The following LRP1B variants were observed in gnomAD, a reference collection of about 807,000 sequenced individuals.
LRP1B encodes low-density lipoprotein receptor-related protein 1B.
In LRP1B, 217 loss-of-function variants were observed where a neutral mutation model predicts 556.6. The ratio of observed to expected loss-of-function variants is 0.39; its 90% CI spans 0.35 to 0.44. The LOEUF (loss-of-function observed/expected upper bound fraction) is 0.44, where lower values mean the gene tolerates loss of function less well. Ranked by LOEUF, LRP1B falls within the 20% of genes least tolerant of loss-of-function variation. The pLI is 1.00. For synonymous variants in LRP1B, 2,047 were observed against 1,865.8 expected (o/e 1.10, Z -2.50); for missense variants, 5,053 against 5,620.8 (o/e 0.90, Z 3.23).
chr2:140,848,109 G>A (rs1477934998), intron 29 of LRP1B, among the ~76,000 whole-genome samples: 3 of 151,950 alleles, frequency 2.0e-5, no homozygotes, highest in Non-Finnish European at 1.5e-5. Flanking sequence ...ACATTTTTCT[G>A]TCAGACTTTG....
At chr2:141,849,739 G>A (rs1452654182) in intron 1 of LRP1B, among the ~76,000 whole-genome samples, 2 of 151,386 alleles carry the variant, frequency 1.3e-5, no homozygotes, top group African/African-American at 4.8e-5. Flanking sequence ...AATACATACC[G>A]TAAAATTTCT....
At position 140,350,952 on chromosome 2, in the gene LRP1B, G is replaced by T. The variant is rs2105116358; in HGVS notation, c.11737C>A (p.Gln3913Lys). Reference sequence around the variant, plus strand: ...GAATTATGTTCAATATGAGAAATTTGTTGATGATCGCCACTGTAGTTGAAT... The same window carrying T: ...GAATTATGTTCAATATGAGAAATTTTTTGATGATCGCCACTGTAGTTGAAT... ...YPFNYSGDHQ[Q>K]ISHIEHNSRI... Residue 3913 changes from glutamine to lysine, a missense_variant, in exon 77 of 91, where the codon CAA becomes AAA. Around this residue, in one of 5 missense-constraint regions of LRP1B, gnomAD observed 599 missense variants for 648.4 expected, o/e 0.92. Transcript: ENST00000389484. 6.2e-7 allele frequency: 1 copy of T among 1,610,102 alleles called. No individual in the cohort carries two copies. Among genetic ancestry groups the T allele is most frequent in the South Asian group, 1.1e-5 (1 of 90,886 alleles).
chr2:140,935,571 A>C (rs1386405216), intron 20 of LRP1B, among the ~76,000 whole-genome samples: 2 of 152,088 alleles, frequency 1.3e-5, no homozygotes, highest in African/African-American at 4.8e-5. Context: ...GCAATATATA[A>C]ATTTTCCAGA....
intron 3 of LRP1B, among the ~76,000 whole-genome samples, chr2:141,421,813 T>TGGTA (rs1458051474): frequency 2.0e-5 from 3 of 152,170 alleles, no homozygotes; most frequent in Admixed American, 6.5e-5. Flanking sequence ...TCTTTCTCTA[T>TGGTA]CTCTGAACGT....
intron 2 of LRP1B, among the ~76,000 whole-genome samples, chr2:141,576,191 A>AG (rs1686736013): frequency 8.3e-6 from 1 of 120,840 alleles, no homozygotes; most frequent in Non-Finnish European, 1.8e-5. Context: ...CAAATACCTA[A>AG]TGATAGACTG....
At chr2:141,471,250 T>C (rs530919372) in intron 3 of LRP1B, among the ~76,000 whole-genome samples, 32 of 145,806 alleles carry the variant, frequency 2.2e-4, no homozygotes, top group African/African-American at 6.5e-4. Context: ...TAAAATACTA[T>C]TGAGAATATA....
intron 50 of LRP1B, among the ~76,000 whole-genome samples, chr2:140,515,956 C>T (rs758743787): frequency 6.6e-6 from 1 of 151,952 alleles, no homozygotes; most frequent in Non-Finnish European, 1.5e-5. Context: ...TGAATATATA[C>T]CTTGTTTTCC....
chr2:141,177,984 G>A (rs1002341409), intron 7 of LRP1B, among the ~76,000 whole-genome samples: 1 of 152,072 alleles, frequency 6.6e-6, no homozygotes, highest in Non-Finnish European at 1.5e-5. Context: ...GAAACAAATT[G>A]AGCTTGATCA....
intron 84 of LRP1B, among the ~76,000 whole-genome samples, chr2:140,280,970 T>C: frequency 6.6e-6 from 1 of 151,782 alleles, no homozygotes; most frequent in East Asian, 1.9e-4. Flanking sequence ...AATAATGTAA[T>C]CTAAAGGACA....
At chr2:141,182,229 G>A (rs1351114989) in intron 7 of LRP1B, among the ~76,000 whole-genome samples, 3 of 151,982 alleles carry the variant, frequency 2.0e-5, no homozygotes, top group African/African-American at 7.2e-5. Flanking sequence ...ATATTTAATA[G>A]GCTCTAGACA....
intron 1 of LRP1B, among the ~76,000 whole-genome samples, chr2:142,129,525 C>T (rs1657208244): frequency 6.6e-6 from 1 of 151,982 alleles, no homozygotes. Context: ...ATAACTAAAT[C>T]TCCCAATGCA....
Position 141,091,442 on chromosome 2 carries a change from G to A in LRP1B, c.1014-29169C>T, listed in dbSNP as rs183769310. Among the ~76,000 whole-genome samples the A allele has an allele frequency of 2.0e-5, 3 of 152,272 alleles. No homozygotes were observed. In the East Asian group the frequency reaches 5.8e-4, roughly 29 times the overall value. On this transcript the variant is annotated intron_variant, in intron 7 of 90. Transcript: ENST00000389484. ...CAACAACAAAAAACATTGCTTCCCG[G>A]CTGGGGCCACTGACTGTGTGGAGTT... is the stretch of plus-strand genomic sequence containing the variant.
intron 1 of LRP1B, among the ~76,000 whole-genome samples, chr2:141,824,189 A>G (rs1173110670): frequency 6.6e-6 from 1 of 152,286 alleles, no homozygotes; most frequent in East Asian, 1.9e-4. Context: ...AATGTTCATT[A>G]TGTGCCACAT....
At chr2:140,991,506 G>T (rs569319832) in intron 16 of LRP1B, among the ~76,000 whole-genome samples, 1 of 152,208 alleles carries the variant, frequency 6.6e-6, no homozygotes, top group South Asian at 2.1e-4. Flanking sequence ...GTGTGTAACT[G>T]CTTATTGCCT....
intron 20 of LRP1B, among the ~76,000 whole-genome samples, chr2:140,944,134 A>G (rs1176475510): frequency 6.6e-6 from 1 of 152,138 alleles, no homozygotes; most frequent in East Asian, 1.9e-4. Flanking sequence ...AGGGACTATT[A>G]TGAACACCTC....
chr2:141,423,852 C>T (rs537710119), intron 3 of LRP1B, among the ~76,000 whole-genome samples: 1 of 151,146 alleles, frequency 6.6e-6, no homozygotes, highest in African/African-American at 2.4e-5. Context: ...CATTTACACA[C>T]ATAGTTTAGT....
At chr2:140,534,315 A>T (rs1360928360) in intron 46 of LRP1B, among the ~76,000 whole-genome samples, 175 bp from the exon 47 acceptor site, 1 of 152,182 alleles carries the variant, frequency 6.6e-6, no homozygotes, top group Non-Finnish European at 1.5e-5. Flanking sequence ...AGAGCAGTTC[A>T]TTCAGCAAGG....
intron 7 of LRP1B, among the ~76,000 whole-genome samples, chr2:141,180,922 A>G (rs1275835482): frequency 6.6e-6 from 1 of 151,916 alleles, no homozygotes; most frequent in Non-Finnish European, 1.5e-5. Flanking sequence ...CAAAGAAAAG[A>G]TAAGGCGTAG....
At chr2:141,914,473 A>C (rs1196414961) in intron 1 of LRP1B, among the ~76,000 whole-genome samples, 2 of 152,204 alleles carry the variant, frequency 1.3e-5, no homozygotes, top group African/African-American at 4.8e-5. Flanking sequence ...CACCATTCCA[A>C]ATCAACATAG....
Sources: allele counts gnomAD v4.1 joint callset (sites outside exome capture counted in the v4.1 genomes callset), GRCh38; gene constraint gnomAD v4.1.1; regional missense constraint gnomAD v4.1.1; transcripts MANE v1.5; gene names NCBI Gene and HGNC (gene_info 2026-07-23, HGNC 2026-07-21).